PLXND1: variants seen among roughly 807,000 people sequenced by gnomAD.
PLXND1 encodes the protein plexin D1.
Under a neutral mutation model 197.7 loss-of-function variants are expected in PLXND1, and 54 were observed. The ratio of observed to expected loss-of-function variants is 0.27; its 90% CI spans 0.22 to 0.34. The LOEUF is 0.34. Among genes scored for constraint, PLXND1 ranks in the 10% least tolerant of loss-of-function variants. The pLI, the probability that PLXND1 is intolerant of heterozygous loss-of-function variation, is 1.00. For synonymous variants in PLXND1, 1,180 were observed against 1,161.2 expected (o/e 1.02, Z -0.33); for missense variants, 2,127 against 2,699.2 (o/e 0.79, Z 4.70).
In PLXND1 at chr3:129,572,608, C is replaced by T; in HGVS notation, c.3077+1G>A. The T allele has an allele frequency of 6.5e-7, 1 of 1,528,536 alleles. No individual in the cohort carries two copies. The highest frequency in any genetic ancestry group is 8.8e-7 in the Non-Finnish European group (1 of 1,138,234). The allele number at this position is 1,528,536 out of a possible 1,614,324, so 94.7% of individuals were successfully genotyped here. Reference sequence around the variant, plus strand: ...GGGATGGGCCAGGCCCAGAGGCTTACATCAGCTCCGTGCAGGGGTCTGTGT... The same window carrying T: ...GGGATGGGCCAGGCCCAGAGGCTTATATCAGCTCCGTGCAGGGGTCTGTGT... On this transcript the variant is annotated splice_donor_variant, in intron 15 of 35. Transcript: ENST00000324093. LOFTEE classifies it high-confidence loss of function.
At chr3:129,593,440 G>A (rs2085575271) in intron 1 of PLXND1, among the ~76,000 whole-genome samples, 1 of 152,242 alleles carries the variant, frequency 6.6e-6, no homozygotes, top group South Asian at 2.1e-4. Context: ...CCCGGTGTCT[G>A]GACCCATGCT....
In PLXND1 at chr3:129,605,444, G is replaced by A. The variant is rs1267172845; in HGVS notation, c.1196C>T (p.Ala399Val). ...CAFRFADVRA[A>V]IRAARTACFV... ...GCAGGCGGTGCGCGCAGCTCGGATG[G>A]CGGCTCGCACGTCGGCGAAGCGGAA... is the stretch of plus-strand genomic sequence containing the variant. The change falls in exon 1 of 36, where the codon GCC (alanine) becomes GTC (valine). Residue 399 changes from alanine to valine, a missense_variant. Transcript: ENST00000324093. The A allele has an allele frequency of 1.3e-6, 2 of 1,502,938 alleles. No individual in the cohort carries two copies. The highest frequency in any genetic ancestry group is 8.8e-7 in the Non-Finnish European group (1 of 1,133,496). The allele number at this position is 1,502,938 out of a possible 1,614,324, so 93.1% of individuals were successfully genotyped here. A position where few individuals can be genotyped will look rare whatever the true frequency, so the allele number is the denominator to read the frequency against.
chr3:129,559,781 G>T lies in PLXND1; in HGVS notation c.5136C>A (p.Gly1712=). 1 of 1,599,090 alleles carries T rather than the reference G, an allele frequency of 6.3e-7. No individual in the cohort carries two copies. The change falls in exon 32 of 36, where the codon GGC becomes GGA. Residue 1712 remains glycine, a splice_region_variant and synonymous_variant. Coordinates refer to ENST00000324093, the MANE Select transcript of PLXND1 (RefSeq NM_015103.3). ...IYLTRLLSTK[G]TLQKFLDDLF... is the part of the protein sequence containing the mutation. Reference sequence around the variant, plus strand: ...GGTCATCCAGAAACTTCTGCAACGTGCCCTGCGGGGGAGTGGGGTGGCCGC... The same window carrying T: ...GGTCATCCAGAAACTTCTGCAACGTTCCCTGCGGGGGAGTGGGGTGGCCGC...
At position 129,586,592 on chromosome 3, in the gene PLXND1, T is replaced by C; in HGVS notation, c.1616A>G (p.His539Arg). ...GGGCTGGGGCTCTGGCCTCACCTGG[T>C]GGGACGTCATCAGGTAAAGGTAACC... ...DSGYLYLMTS[H>R]QMARVKVAAC... Residue 539 changes from histidine (H) to arginine (R), a missense_variant, in exon 3 of 36, where the codon CAC (histidine) becomes CGC (arginine). Transcript: ENST00000324093. 6.4e-7 allele frequency: 1 copy of C among 1,567,322 alleles called. No homozygotes were observed. The highest frequency in any genetic ancestry group is 1.3e-5 in the African/African-American group (1 of 74,392).
intron 19 of PLXND1, 115 bp downstream of exon 19, chr3:129,570,671 G>A: frequency 2.0e-6 from 2 of 997,144 alleles, no homozygotes; most frequent in South Asian, 1.4e-5. Flanking sequence ...GCTGGACTGA[G>A]CTGTTGAGCG....
intron 8 of PLXND1, among the ~76,000 whole-genome samples, chr3:129,578,739 G>C (rs1385166341): frequency 1.3e-5 from 2 of 152,184 alleles, no homozygotes; most frequent in Non-Finnish European, 2.9e-5. Flanking sequence ...GAGGCTGGGA[G>C]GCTGAACTCC....
chr3:129,589,307 G>GCCGGGGGGGCCCCCCCCCCC, intron 2 of PLXND1, 44 bp downstream of exon 2: 1 of 684,692 alleles, frequency 1.5e-6, no homozygotes. Context: ...TCCCAGGGGA[G>GCCGGGGGGGCCCCCCCCCCC]CCTCCCACCC....
chr3:129,556,453 G>A (rs201817038), intron 35 of PLXND1, 25 bp from the exon 36 acceptor site: 29 of 1,576,944 alleles, frequency 1.8e-5, no homozygotes, highest in East Asian at 4.5e-5. Context: ...GGAGTCAGCC[G>A]GGCCATGGCC....
rs2084965948 is a variant in PLXND1 at position 129,555,896 on chromosome 3, A to G, written c.*416T>C. 1 of 292,582 alleles carries G rather than the reference A, an allele frequency of 3.4e-6. No individual in the cohort carries two copies. Among genetic ancestry groups the G allele is most frequent in the Non-Finnish European group, 6.4e-6 (1 of 156,946 alleles). 18.1% of individuals were successfully genotyped at this position (292,582 alleles called of 1,614,324 possible). A position where few individuals can be genotyped will look rare whatever the true frequency, so the allele number is the denominator to read the frequency against. On this transcript the variant is annotated 3_prime_UTR_variant, in exon 36 of 36. Transcript: ENST00000324093. ...CAGTTCAAGGAGGGCTCCCTGCACC[A>G]GTGTGGATGAGGTAGAGTTTCTGGG... is the stretch of plus-strand genomic sequence containing the variant.
rs1019975838 is a variant in PLXND1, at chr3:129,586,355, C to T, written c.1621-83G>A. On this transcript the variant is annotated intron_variant, in intron 3 of 35. Transcript: ENST00000324093. ...GTGGTACGGTCAGCATGGTGCGGGC[C>T]ATGAGAGGCTGGGGAAACTGAGGGT... is the stretch of plus-strand genomic sequence containing the variant. 4 of 1,173,738 alleles carry T rather than the reference C, an allele frequency of 3.4e-6. No homozygotes were observed. The African/African-American group carries it at 4.5e-5, about 13-fold the overall frequency. 72.7% of individuals were successfully genotyped at this position (1,173,738 alleles called of 1,614,324 possible).
At position 129,586,086 on chromosome 3, in the gene PLXND1, G is replaced by A. The variant is rs1463579133; in HGVS notation, c.1722-5C>T. On this transcript the variant is annotated splice_polypyrimidine_tract_variant and splice_region_variant and intron_variant, in intron 4 of 35. Coordinates refer to ENST00000324093, the MANE Select transcript of PLXND1 (RefSeq NM_015103.3). ...CAGTCCTGCTGCAAGGTGCACCTGG[G>A]GTGGCACCGCAGGGTCAGGACCCAG... is the stretch of plus-strand genomic sequence containing the variant. 3.1e-6 allele frequency: 5 copies of A among 1,613,810 alleles called. No homozygotes were observed. Among genetic ancestry groups the A allele is most frequent in the Non-Finnish European group, 1.7e-6 (2 of 1,179,952 alleles).
intron 3 of PLXND1, 152 bp from the exon 4 acceptor site, chr3:129,586,424 G>C (rs1197875672): frequency 1.9e-6 from 2 of 1,072,910 alleles, no homozygotes; most frequent in Non-Finnish European, 1.4e-6. Context: ...CTTCCCTGCA[G>C]AGGCAAGGTC....
At position 129,563,253 on chromosome 3, in the gene PLXND1, G is replaced by A. The variant is rs1259719965; in HGVS notation, c.4522-13C>T. The A allele has an allele frequency of 6.2e-7, 1 of 1,601,592 alleles. No homozygotes were observed. The highest frequency in any genetic ancestry group is 1.3e-5 in the African/African-American group (1 of 74,568). On this transcript the variant is annotated splice_polypyrimidine_tract_variant and intron_variant, in intron 25 of 35. Transcript: ENST00000324093. Reference sequence around the variant, plus strand: ...CCCCCACCGTCTCCTGAGGGGCACGGGGGTATCAGGGCCAAGGCCCCCTCT... The same window carrying A: ...CCCCCACCGTCTCCTGAGGGGCACGAGGGTATCAGGGCCAAGGCCCCCTCT...
rs543209942 is a variant in PLXND1, at chr3:129,605,903, C to G, written c.737G>C (p.Arg246Pro). Residue 246 changes from arginine (R) to proline (P), a missense_variant, in exon 1 of 36, where the codon CGC becomes CCC. Arg to Pro is a moderately radical substitution (Grantham distance 103, BLOSUM62 -2). Coordinates refer to ENST00000324093, the MANE Select transcript of PLXND1 (RefSeq NM_015103.3). ...PEIAIRSLDT[R>P]GDLAKLFTFD... The stretch of plus-strand genomic sequence containing the variant: ...GGTGAAGAGCTTGGCCAGGTCGCCG[C>G]GCGTGTCCAGGGAGCGGATGGCGAT... 6.2e-7 allele frequency: 1 copy of G among 1,613,414 alleles called. No individual in the cohort carries two copies. The highest frequency in any genetic ancestry group is 1.1e-5 in the South Asian group (1 of 91,062).
chr3:129,557,309 G>GC lies in PLXND1; in HGVS notation c.5446-87dup. The GC allele has an allele frequency of 6.7e-7, 1 of 1,491,000 alleles. No individual in the cohort carries two copies. Among genetic ancestry groups the GC allele is most frequent in the South Asian group, 1.2e-5 (1 of 84,676 alleles). The allele number at this position is 1,491,000 out of a possible 1,614,324, so 92.4% of individuals were successfully genotyped here. On this transcript the variant is annotated intron_variant, in intron 33 of 35. Transcript: ENST00000324093. The surrounding 1 kb of genome is among the most constrained non-coding windows in gnomAD (Gnocchi z 4.8). ...TTCTGGATGAGCCCTCATCCCTCCT[G>GC]CCACATAAGTGACCTTAGCAGGCCC...
chr3:129,561,440 C>T (rs2085058672), intron 29 of PLXND1, among the ~76,000 whole-genome samples: 1 of 152,212 alleles, frequency 6.6e-6, no homozygotes, highest in East Asian at 1.9e-4. Context: ...CCAGCTGCCG[C>T]AGGAAATCAG....
rs200118477 is a variant in PLXND1 at position 129,556,666 on chromosome 3, T to G, written c.5612A>C (p.Asn1871Thr). 1 of 1,613,080 alleles carries G rather than the reference T, an allele frequency of 6.2e-7. No individual in the cohort carries two copies. The highest frequency in any genetic ancestry group is 2.2e-5 in the East Asian group (1 of 44,850). Residue 1871 changes from asparagine (N) to threonine (T), a missense_variant, in exon 35 of 36, where the codon AAT becomes ACT. Asn to Thr is a moderately conservative substitution (Grantham distance 65, BLOSUM62 0). Around this residue, in one of 6 missense-constraint regions of PLXND1, gnomAD observed 200 missense variants for 303.3 expected, o/e 0.66. Transcript: ENST00000324093. Reference sequence around the variant, plus strand: ...CTTATAAATCTCTGCCATGGCCACATTGGTGTTGAACTCATTCTGGTATTT... The same window carrying G: ...CTTATAAATCTCTGCCATGGCCACAGTGGTGTTGAACTCATTCTGGTATTT... ...SRKYQNEFNT[N>T]VAMAEIYKYA...
chr3:129,561,439 G>A (rs945634709), intron 29 of PLXND1, among the ~76,000 whole-genome samples: 7 of 152,196 alleles, frequency 4.6e-5, no homozygotes, highest in East Asian at 3.9e-4. Context: ...TCCAGCTGCC[G>A]CAGGAAATCA....
At chr3:129,602,486 T>C (rs533902931) in intron 1 of PLXND1, among the ~76,000 whole-genome samples, 3 of 152,352 alleles carry the variant, frequency 2.0e-5, no homozygotes, top group Non-Finnish European at 2.9e-5. Flanking sequence ...GCGGCACGCA[T>C]TGCCCTGTGT....
Sources: gnomAD v4.1 joint callset for allele counts (sites outside exome capture counted in the v4.1 genomes callset) on GRCh38, gnomAD v4.1.1 for gene constraint, gnomAD v4.1.1 regional missense constraint, Gnocchi (gnomAD v3.1) non-coding constraint, MANE v1.5 for transcripts, NCBI Gene and HGNC (gene_info 2026-07-23, HGNC 2026-07-21) for gene names.